Variants in MAP4K3 observed in about 807,000 individuals in gnomAD.
The protein encoded by MAP4K3 is mitogen-activated protein kinase kinase kinase kinase 3.
Under a neutral mutation model 143.5 loss-of-function variants are expected in MAP4K3, and 94 were observed. That is an observed-to-expected ratio of 0.65 (90% CI 0.55 to 0.78). The LOEUF (loss-of-function observed/expected upper bound fraction) is 0.78. Ranked by LOEUF, MAP4K3 falls within the 30% of genes least tolerant of loss-of-function variation. MAP4K3 has a pLI of 0.00. For synonymous variants in MAP4K3, 416 were observed against 347.2 expected, an observed-to-expected ratio of 1.20 and a Z score of -2.20; for missense variants, 1,077 against 1,068.1, an observed-to-expected ratio of 1.01 and a Z score of -0.12.
At chr2:39,412,935 A>G (rs537152340) in intron 1 of MAP4K3, among the ~76,000 whole-genome samples, 38 of 152,280 alleles carry the variant, frequency 2.5e-4, no homozygotes, top group African/African-American at 8.9e-4. Flanking sequence ...AATAGTATCT[A>G]TCTGGTAGAT....
intron 1 of MAP4K3, among the ~76,000 whole-genome samples, chr2:39,428,019 G>C (rs116208363): frequency 0.013 from 1,994 of 152,198 alleles, 13 homozygotes; most frequent in Middle Eastern, 0.02. Flanking sequence ...TTTTCTTCAA[G>C]TCCCAGGTCA....
chr2:39,431,775 T>C (rs1665297371), intron 1 of MAP4K3, among the ~76,000 whole-genome samples: 1 of 152,204 alleles, frequency 6.6e-6, no homozygotes, highest in South Asian at 2.1e-4. Flanking sequence ...CCACACTTTT[T>C]TGTGTCAGGT....
chr2:39,350,273 T>A (rs958854195), intron 3 of MAP4K3, among the ~76,000 whole-genome samples: 1 of 152,206 alleles, frequency 6.6e-6, no homozygotes, highest in African/African-American at 2.4e-5. Context: ...AACAGAAAAC[T>A]GATAAAATCC....
intron 4 of MAP4K3, among the ~76,000 whole-genome samples, chr2:39,338,323 G>A (rs1261672784): frequency 1.3e-5 from 2 of 152,084 alleles, no homozygotes; most frequent in African/African-American, 2.4e-5. Flanking sequence ...ATTATGACTA[G>A]TTTTAAATCA....
At chr2:39,330,226 A>G (rs1306891556) in intron 8 of MAP4K3, among the ~76,000 whole-genome samples, 1 of 152,178 alleles carries the variant, frequency 6.6e-6, no homozygotes, top group African/African-American at 2.4e-5. Flanking sequence ...GAGGTATATA[A>G]TTATGGAATA....
chr2:39,268,634 A>ATATTTTTT (rs1680877515), intron 26 of MAP4K3, among the ~76,000 whole-genome samples: 1 of 73,772 alleles, frequency 1.4e-5, no homozygotes, highest in Non-Finnish European at 2.4e-5. Flanking sequence ...GATTTTTTCT[A>ATATTTTTT]TTTTTTTTTT....
At chr2:39,334,782 T>A (rs1456248596) in intron 6 of MAP4K3, among the ~76,000 whole-genome samples, 2 of 152,126 alleles carry the variant, frequency 1.3e-5, no homozygotes, top group East Asian at 3.9e-4. Flanking sequence ...AATGAGTAAG[T>A]TCCAATTCCC....
chr2:39,277,008 A>T (rs1474773609), intron 24 of MAP4K3, among the ~76,000 whole-genome samples: 1 of 152,238 alleles, frequency 6.6e-6, no homozygotes, highest in African/African-American at 2.4e-5. Context: ...TATGTGAATT[A>T]TATCTCGATA....
chr2:39,426,114 A>T (rs189918588), intron 1 of MAP4K3, among the ~76,000 whole-genome samples: 1 of 152,316 alleles, frequency 6.6e-6, no homozygotes, highest in Non-Finnish European at 1.5e-5. Context: ...AACATTAATA[A>T]GGGGACTAAT....
At chr2:39,254,558 C>T (rs772185072) in intron 31 of MAP4K3, 38 bp from the exon 32 acceptor site, 3 of 1,521,048 alleles carry the variant, frequency 2.0e-6, no homozygotes, top group South Asian at 2.3e-5. Flanking sequence ...GTTAATAGTA[C>T]AAAAGTTCAA....
intron 24 of MAP4K3, among the ~76,000 whole-genome samples, chr2:39,274,931 T>C (rs1408592324): frequency 6.6e-6 from 1 of 152,300 alleles, no homozygotes; most frequent in East Asian, 1.9e-4. Flanking sequence ...TCTTCCCCTA[T>C]TTAGTAGGCT....
intron 1 of MAP4K3, among the ~76,000 whole-genome samples, chr2:39,435,930 C>A (rs1161394063): frequency 6.6e-6 from 1 of 152,148 alleles, no homozygotes; most frequent in Non-Finnish European, 1.5e-5. Context: ...TAAACATGGG[C>A]AAAATAAAGT....
At chr2:39,357,603 G>A (rs1026517478) in intron 2 of MAP4K3, among the ~76,000 whole-genome samples, 5 of 152,130 alleles carry the variant, frequency 3.3e-5, no homozygotes, top group Admixed American at 6.5e-5. Context: ...TAATTTCTGC[G>A]TTGATATGAG....
rs544237586 is a variant in MAP4K3, at chr2:39,396,715, C to T, written c.97-18592G>A. Among the ~76,000 whole-genome samples the T allele has an allele frequency of 1.0e-3, 155 of 152,148 alleles. 1 individual carries two copies. The highest frequency in any genetic ancestry group is 3.4e-3 in the African/African-American group (140 of 41,518). ...GTCTCGATCTCCTGACCTTGTGATC[C>T]GCCCGCCTCGGCCTCCCAAAGTGCT... On this transcript the variant is annotated intron_variant, in intron 1 of 33. Coordinates refer to ENST00000263881, the MANE Select transcript of MAP4K3 (RefSeq NM_003618.4).
At chr2:39,404,617 C>CTTTTTTTTTTTTTTTTTTTTT (rs1174319224) in intron 1 of MAP4K3, among the ~76,000 whole-genome samples, 4 of 86,134 alleles carry the variant, frequency 4.6e-5, no homozygotes, top group Non-Finnish European at 8.9e-5. Flanking sequence ...TTCTTTCTTT[C>CTTTTTTTTTTTTTTTTTTTTT]TTTTTTTTTT....
At chr2:39,268,634 ATTTTTTTTTTTT>A (rs70954799) in intron 26 of MAP4K3, among the ~76,000 whole-genome samples, 2 of 73,772 alleles carry the variant, frequency 2.7e-5, no homozygotes, top group East Asian at 4.8e-4. Flanking sequence ...GATTTTTTCT[ATTTTTTTTTTTT>A]TTTTTTTTTT....
intron 16 of MAP4K3, 90 bp downstream of exon 16, chr2:39,299,653 C>G (rs886331815): frequency 9.6e-6 from 6 of 622,778 alleles, no homozygotes; most frequent in African/African-American, 1.9e-5. Flanking sequence ...CAGCCTAATA[C>G]AATTTTCTAC....
chr2:39,358,055 T>C (rs1330261309), intron 2 of MAP4K3, among the ~76,000 whole-genome samples: 2 of 152,170 alleles, frequency 1.3e-5, no homozygotes, highest in Non-Finnish European at 2.9e-5. Context: ...GAGAAACAGG[T>C]AAAAGGAAGC....
intron 2 of MAP4K3, among the ~76,000 whole-genome samples, chr2:39,369,193 G>GT (rs1553419595): frequency 7.7e-3 from 292 of 37,870 alleles, no homozygotes; most frequent in African/African-American, 0.013. Flanking sequence ...CTTTGGGCTA[G>GT]TTTTTTTTTT....
Sources: gnomAD v4.1 joint callset for allele counts (sites outside exome capture counted in the v4.1 genomes callset) on GRCh38, gnomAD v4.1.1 for gene constraint, MANE v1.5 for transcripts, NCBI Gene and HGNC (gene_info 2026-07-23, HGNC 2026-07-21) for gene names.